Variants in IFT80 observed in about 807,000 individuals in gnomAD.
IFT80 encodes intraflagellar transport 80.
A neutral mutation model predicts 107.9 loss-of-function variants in IFT80; 79 were observed. The ratio of observed to expected loss-of-function variants is 0.73; its 90% CI spans 0.61 to 0.88. IFT80 has a LOEUF of 0.88. IFT80 is among the 40% of genes least tolerant of loss of function. The probability of loss-of-function intolerance (pLI) is 0.00; values close to 1 mark genes in which losing one functional copy is unlikely to be tolerated. For synonymous variants in IFT80, 299 were observed against 300.9 expected (o/e 0.99, Z 0.07); for missense variants, 797 against 914.2 (o/e 0.87, Z 1.65).
chr3:160,330,603 T>C (rs899463259), intron 8 of IFT80, among the ~76,000 whole-genome samples: 1 of 152,164 alleles, frequency 6.6e-6, no homozygotes, highest in Non-Finnish European at 1.5e-5. Context: ...AATGGATTCC[T>C]GGGCCCGACC....
chr3:160,336,545 T>C (rs1220864458), intron 8 of IFT80, among the ~76,000 whole-genome samples: 1 of 152,118 alleles, frequency 6.6e-6, no homozygotes, highest in Non-Finnish European at 1.5e-5. Context: ...TAGATAACAA[T>C]TTTTTATTTT....
intron 5 of IFT80, among the ~76,000 whole-genome samples, chr3:160,371,916 G>C (rs888921734): frequency 2.0e-5 from 3 of 152,070 alleles, no homozygotes; most frequent in African/African-American, 7.2e-5. Context: ...TGACACAAAA[G>C]ATATGGCCTA....
intron 1 of IFT80, among the ~76,000 whole-genome samples, chr3:160,391,232 G>C (rs1214878297): frequency 6.6e-6 from 1 of 152,114 alleles, no homozygotes; most frequent in Non-Finnish European, 1.5e-5. Flanking sequence ...GCCATCCCAA[G>C]AACACTCCTG....
chr3:160,268,432 T>C lies in IFT80; in HGVS notation c.2204A>G (p.Tyr735Cys). The stretch of plus-strand genomic sequence containing the variant: ...ACTTACACCTTCTGCATAATGCAAG[T>C]ATCGTTTATTAGTTTCCTGTTTACC... The part of the protein sequence containing the change: ...TFGKQETNKR[Y>C]LHYAEGLQID... Residue 735 changes from tyrosine (Y) to cysteine (C), a missense_variant, in exon 19 of 20, where the codon TAC (tyrosine) becomes TGC (cysteine). Tyr to Cys is a radical substitution (Grantham distance 194). Coordinates refer to ENST00000326448, the MANE Select transcript of IFT80 (RefSeq NM_020800.3). 2.5e-6 allele frequency: 4 copies of C among 1,613,022 alleles called. No homozygotes were observed. Among genetic ancestry groups the C allele is most frequent in the Non-Finnish European group, 3.4e-6 (4 of 1,179,082 alleles).
At chr3:160,314,760 CAA>C (rs2108290727) in intron 9 of IFT80, among the ~76,000 whole-genome samples, 1 of 152,202 alleles carries the variant, frequency 6.6e-6, no homozygotes, top group African/African-American at 2.4e-5. Flanking sequence ...CGAATCCTCC[CAA>C]GTGTCCAGAG....
At chr3:160,284,636 G>A (rs954782846) in intron 13 of IFT80, among the ~76,000 whole-genome samples, 1 of 152,110 alleles carries the variant, frequency 6.6e-6, no homozygotes, top group Non-Finnish European at 1.5e-5. Flanking sequence ...GTATATGCAA[G>A]GTAATTCATC....
At chr3:160,282,348 A>G in intron 14 of IFT80, 130 bp downstream of exon 14, 3 of 652,270 alleles carry the variant, frequency 4.6e-6, no homozygotes, top group South Asian at 4.8e-5. Context: ...TTTTAAAAAA[A>G]GGGTTAAATA....
At chr3:160,324,669 T>A (rs1438293230) in intron 8 of IFT80, among the ~76,000 whole-genome samples, 4 of 152,012 alleles carry the variant, frequency 2.6e-5, no homozygotes, top group African/African-American at 9.7e-5. Flanking sequence ...CCACAGCTAA[T>A]AGCATACTGA....
At chr3:160,379,661 A>T (rs1712314378) in intron 3 of IFT80, among the ~76,000 whole-genome samples, 1 of 152,212 alleles carries the variant, frequency 6.6e-6, no homozygotes, top group South Asian at 2.1e-4. Context: ...AAGGACATGC[A>T]GGAATTGTTT....
intron 8 of IFT80, among the ~76,000 whole-genome samples, chr3:160,332,595 G>A (rs946261904): frequency 1.3e-5 from 2 of 152,194 alleles, no homozygotes; most frequent in African/African-American, 4.8e-5. Flanking sequence ...CTCAAAATAG[G>A]TGGGTCAAAA....
intron 8 of IFT80, among the ~76,000 whole-genome samples, chr3:160,324,633 A>T (rs949304622): frequency 4.6e-5 from 7 of 152,114 alleles, no homozygotes; most frequent in Non-Finnish European, 8.8e-5. Context: ...CATATCTCAA[A>T]ATAATAAGAG....
intron 19 of IFT80, among the ~76,000 whole-genome samples, chr3:160,259,461 C>T (rs910617558): frequency 3.3e-5 from 5 of 152,154 alleles, no homozygotes; most frequent in African/African-American, 9.7e-5. Flanking sequence ...ATTAGCTTCC[C>T]CTAAGCATAT....
intron 9 of IFT80, among the ~76,000 whole-genome samples, chr3:160,308,428 T>G (rs1462386124): frequency 6.6e-6 from 1 of 152,160 alleles, no homozygotes; most frequent in African/African-American, 2.4e-5. Context: ...TGCAAGGATT[T>G]TAATATTTGG....
At position 160,366,010 on chromosome 3, in the gene IFT80, C is replaced by T. The variant is rs755413427; in HGVS notation, c.549+33G>A. 4 of 1,530,486 alleles carry T rather than the reference C, an allele frequency of 2.6e-6. No homozygotes were observed. In the South Asian group the frequency reaches 3.4e-5, roughly 13 times the overall value. 94.8% of individuals were successfully genotyped at this position (1,530,486 alleles called of 1,614,324 possible). On this transcript the variant is annotated intron_variant, in intron 6 of 19. Transcript: ENST00000326448. The stretch of plus-strand genomic sequence containing the variant: ...CCTCTAGTTTAGCAGTCAGGCAGAC[C>T]CTGATAACAATTTACAAATGACTGA...
intron 8 of IFT80, among the ~76,000 whole-genome samples, chr3:160,354,632 G>A (rs1028410442): frequency 2.0e-5 from 3 of 152,064 alleles, no homozygotes; most frequent in East Asian, 1.9e-4. Flanking sequence ...CAGCCTGGGC[G>A]ACAGAGCAAG....
Position 160,277,492 on chromosome 3 carries a change from GA to G in IFT80, c.1927-15del, listed in dbSNP as rs1559914813. The G allele has an allele frequency of 6.3e-7, 1 of 1,589,188 alleles. No individual in the cohort carries two copies. Among genetic ancestry groups the G allele is most frequent in the Non-Finnish European group, 8.6e-7 (1 of 1,158,698 alleles). ...AACCTTATCAATCTAAAAAAGAAAA[GA>G]AAAATATTGAAGTAGATAGTAACAG... On this transcript the variant is annotated splice_polypyrimidine_tract_variant and intron_variant, in intron 17 of 19. Transcript: ENST00000326448.
At chr3:160,321,541 A>G (rs1299707764) in intron 8 of IFT80, among the ~76,000 whole-genome samples, 2 of 152,018 alleles carry the variant, frequency 1.3e-5, no homozygotes, top group Non-Finnish European at 2.9e-5. Flanking sequence ...CTGAAACTAT[A>G]GAAGGTGCTA....
At chr3:160,356,197 T>G (rs184927462) in intron 7 of IFT80, 47 bp from the exon 8 acceptor site, 4 of 1,491,542 alleles carry the variant, frequency 2.7e-6, no homozygotes, top group Non-Finnish European at 3.7e-6. Flanking sequence ...AGGGAGAAGT[T>G]TGCAAAAACT....
chr3:160,323,478 C>A (rs1718439300), intron 8 of IFT80, among the ~76,000 whole-genome samples: 1 of 152,108 alleles, frequency 6.6e-6, no homozygotes, highest in African/African-American at 2.4e-5. Flanking sequence ...CATGATGCCT[C>A]CAGCTTTGTT....
Sources: gnomAD v4.1 joint callset for allele counts (sites outside exome capture counted in the v4.1 genomes callset) on GRCh38, gnomAD v4.1.1 for gene constraint, MANE v1.5 for transcripts, NCBI Gene and HGNC (gene_info 2026-07-23, HGNC 2026-07-21) for gene names.